FARS2: variants seen among roughly 807,000 people sequenced by gnomAD.
FARS2 encodes the protein phenylalanine--tRNA ligase, mitochondrial.
FARS2 carries 40 observed loss-of-function variants against 46.4 expected under a neutral mutation model. The observed-to-expected ratio is 0.86, with a 90% CI of 0.67 to 1.12. The LOEUF is 1.12. Ranked by LOEUF, FARS2 falls within the 50% of genes most tolerant of loss-of-function variation. FARS2 has a pLI of 0.00. For missense variants in FARS2, 513 were observed against 567.9 expected (o/e 0.90, Z 0.98); for synonymous variants, 234 against 214.9 (o/e 1.09, Z -0.78).
Position 5,557,801 on chromosome 6 carries a change from T to G in FARS2, c.1065+12461T>G, listed in dbSNP as rs578241004. ...TTAATCCTAGTTAAACATAACATGT[T>G]CCTTTTGCATAGAACTGGCTGTGCC... On this transcript the variant is annotated intron_variant, in intron 5 of 6. Coordinates refer to ENST00000274680, the MANE Select transcript of FARS2 (RefSeq NM_006567.5). Among the ~76,000 whole-genome samples, 221 of 152,262 alleles carry G rather than the reference T, an allele frequency of 1.5e-3. 1 individual carries two copies. Among genetic ancestry groups the G allele is most frequent in the Non-Finnish European group, 2.7e-3 (181 of 68,028 alleles).
chr6:5,416,378 T>C (rs908042712), intron 3 of FARS2, among the ~76,000 whole-genome samples: 7 of 152,238 alleles, frequency 4.6e-5, no homozygotes, highest in Non-Finnish European at 8.8e-5. Flanking sequence ...CAGCATCGTT[T>C]GTTGAAATGA....
chr6:5,700,625 G>A (rs1234451519), intron 6 of FARS2, among the ~76,000 whole-genome samples: 2 of 152,022 alleles, frequency 1.3e-5, no homozygotes, highest in Non-Finnish European at 2.9e-5. Flanking sequence ...CTCGAACTCC[G>A]GACTTTGTGA....
chr6:5,632,749 C>A (rs1776357805), intron 6 of FARS2, among the ~76,000 whole-genome samples: 1 of 151,350 alleles, frequency 6.6e-6, no homozygotes, highest in African/African-American at 2.4e-5. Context: ...TGTTGAACAT[C>A]TTTTAATGTG....
chr6:5,305,537 C>G (rs1021998586), intron 1 of FARS2, among the ~76,000 whole-genome samples: 1 of 152,144 alleles, frequency 6.6e-6, no homozygotes, highest in Non-Finnish European at 1.5e-5. Context: ...CAGCAGAGAC[C>G]TTTGACTCAT....
At chr6:5,335,400 G>A (rs1160533935) in intron 1 of FARS2, among the ~76,000 whole-genome samples, 2 of 152,176 alleles carry the variant, frequency 1.3e-5, no homozygotes, top group Non-Finnish European at 2.9e-5. Flanking sequence ...TTCTTCTTCA[G>A]TATTGAAAGC....
At chr6:5,297,564 A>G (rs1233421632) in intron 1 of FARS2, among the ~76,000 whole-genome samples, 5 of 151,942 alleles carry the variant, frequency 3.3e-5, no homozygotes, top group Non-Finnish European at 5.9e-5. Flanking sequence ...AGGAGAATTG[A>G]TTGAACCCAG....
chr6:5,734,207 G>A (rs1760808413), intron 6 of FARS2, among the ~76,000 whole-genome samples: 1 of 152,142 alleles, frequency 6.6e-6, no homozygotes, highest in South Asian at 2.1e-4. Flanking sequence ...TGTCCTAAAG[G>A]CCAAAGAGAC....
intron 4 of FARS2, among the ~76,000 whole-genome samples, chr6:5,505,600 G>C (rs555085913): frequency 6.6e-6 from 1 of 152,144 alleles, no homozygotes; most frequent in African/African-American, 2.4e-5. Context: ...CACAATCCAC[G>C]TTCTTCTGCC....
intron 1 of FARS2, among the ~76,000 whole-genome samples, chr6:5,362,857 C>T (rs1461749663): frequency 6.6e-6 from 1 of 151,640 alleles, no homozygotes; most frequent in African/African-American, 2.4e-5. Flanking sequence ...TTTTCACATA[C>T]CTATTGACCA....
At chr6:5,260,984 T>C (rs561294375), upstream of FARS2, 1 of 1,160,514 alleles carries the variant, frequency 8.6e-7, no homozygotes, top group Non-Finnish European at 1.1e-6. Context: ...GGGAGGGAGA[T>C]GCCTCCGCCC....
At position 5,766,133 on chromosome 6, in the gene FARS2, G is replaced by A. The variant is rs548424545; in HGVS notation, c.1218-5158G>A. ...ATCTGGTTTACTTTGCCTATGAGTA[G>A]AAGCTGTGAAGTACATAAAAGAGAA... On this transcript the variant is annotated intron_variant, in intron 6 of 6. Coordinates refer to ENST00000274680, the MANE Select transcript of FARS2 (RefSeq NM_006567.5). Among the ~76,000 whole-genome samples, 10 of 152,322 alleles carry A rather than the reference G, an allele frequency of 6.6e-5. No individual in the cohort carries two copies. The East Asian group carries it at 7.7e-4, about 12-fold the overall frequency.
chr6:5,375,312 A>G (rs1453654006), intron 2 of FARS2, among the ~76,000 whole-genome samples: 1 of 152,098 alleles, frequency 6.6e-6, no homozygotes, highest in East Asian at 1.9e-4. Context: ...TTTTATTTGT[A>G]GTATCAACTA....
intron 4 of FARS2, among the ~76,000 whole-genome samples, chr6:5,511,759 T>C (rs1042043518): frequency 6.6e-6 from 1 of 152,234 alleles, no homozygotes; most frequent in Non-Finnish European, 1.5e-5. Flanking sequence ...GCCTCTGTTA[T>C]ATTAATGATT....
intron 1 of FARS2, among the ~76,000 whole-genome samples, chr6:5,341,188 GATATATATATATATATAT>G (rs869067569): frequency 2.9e-5 from 1 of 34,188 alleles, no homozygotes; most frequent in African/African-American, 1.1e-4. Flanking sequence ...GCCATGGGGA[GATATATATATATATATAT>G]ATATATATAT....
At chr6:5,581,108 C>T (rs1443871455) in intron 5 of FARS2, among the ~76,000 whole-genome samples, 1 of 152,214 alleles carries the variant, frequency 6.6e-6, no homozygotes, top group Non-Finnish European at 1.5e-5. Context: ...TTACAGAGGA[C>T]AAGAAGCCAT....
intron 6 of FARS2, among the ~76,000 whole-genome samples, chr6:5,691,984 A>G (rs2150864960): frequency 6.6e-6 from 1 of 152,318 alleles, no homozygotes; most frequent in East Asian, 1.9e-4. Flanking sequence ...GGACCCTCCG[A>G]GCCAGGCGCG....
At chr6:5,484,703 A>G (rs1179817387) in intron 4 of FARS2, among the ~76,000 whole-genome samples, 1 of 152,264 alleles carries the variant, frequency 6.6e-6, no homozygotes, top group Non-Finnish European at 1.5e-5. Flanking sequence ...TGCAAGCCCC[A>G]GAAGGTCCTC....
chr6:5,404,693 T>C lies in FARS2; in HGVS notation c.764T>C (p.Phe255Ser). Residue 255 changes from phenylalanine (F) to serine (S), a missense_variant, in exon 3 of 7, where the codon TTT (phenylalanine) becomes TCT (serine). Transcript: ENST00000274680. Reference protein sequence around the residue: ...QTLTRLMAHLFGDELEIRWVD... With the variant: ...QTLTRLMAHLSGDELEIRWVD... ...CTTACCAGGCTCATGGCACATCTTTTTGGAGATGGTAAGTGCTCAAACACA... is the reference window on the plus strand; with the variant it reads ...CTTACCAGGCTCATGGCACATCTTTCTGGAGATGGTAAGTGCTCAAACACA... 1 of 1,592,332 alleles carries C rather than the reference T, an allele frequency of 6.3e-7. No individual in the cohort carries two copies. Among genetic ancestry groups the C allele is most frequent in the Non-Finnish European group, 8.6e-7 (1 of 1,168,302 alleles).
In FARS2 at chr6:5,760,699, A is replaced by C. The variant is rs56883452; in HGVS notation, c.1218-10592A>C. Among the ~76,000 whole-genome samples, 959 of 152,244 alleles carry C rather than the reference A, an allele frequency of 6.3e-3. 3 individuals carry two copies. The highest frequency in any genetic ancestry group is 0.022 in the African/African-American group (901 of 41,530). On this transcript the variant is annotated intron_variant, in intron 6 of 6. Transcript: ENST00000274680. The stretch of plus-strand genomic sequence containing the variant: ...ACACGCAGACCAGCTGCTCTCAGCT[A>C]TTTGCGATTCCTTGGACTGGTCTGT...
Sources: allele counts gnomAD v4.1 joint callset (sites outside exome capture counted in the v4.1 genomes callset), GRCh38; gene constraint gnomAD v4.1.1; transcripts MANE v1.5; gene names NCBI Gene and HGNC (gene_info 2026-07-23, HGNC 2026-07-21).